The following XKR6 variants were observed in gnomAD, a reference collection of about 807,000 sequenced individuals.
The protein encoded by XKR6 is XK-related protein 6.
Under a neutral mutation model 56.7 loss-of-function variants are expected in XKR6, and 22 were observed. The ratio of observed to expected loss-of-function variants is 0.39; its 90% CI spans 0.28 to 0.55. XKR6 has a LOEUF of 0.55. Ranked by LOEUF, XKR6 falls within the 20% of genes least tolerant of loss-of-function variation. The probability of loss-of-function intolerance (pLI) is 0.66; values close to 1 mark genes in which losing one functional copy is unlikely to be tolerated. For synonymous variants in XKR6, 524 were observed against 387.8 expected (o/e 1.35, Z -4.13); for missense variants, 852 against 889.0 (o/e 0.96, Z 0.53).
chr8:10,964,795 C>G (rs1028649073), intron 1 of XKR6, among the ~76,000 whole-genome samples: 2 of 152,216 alleles, frequency 1.3e-5, no homozygotes, highest in South Asian at 2.1e-4. Context: ...CAGACCTGCT[C>G]TCACTGCACA....
At chr8:11,029,176 C>T (rs2129151303) in intron 1 of XKR6, among the ~76,000 whole-genome samples, 1 of 152,232 alleles carries the variant, frequency 6.6e-6, no homozygotes, top group African/African-American at 2.4e-5. Flanking sequence ...CTCCCAGGCC[C>T]CTTCACTCTC....
chr8:10,960,016 G>A (rs1432872596), intron 1 of XKR6, among the ~76,000 whole-genome samples: 4 of 152,054 alleles, frequency 2.6e-5, no homozygotes, highest in East Asian at 3.9e-4. Flanking sequence ...TCAGGGGGGG[G>A]CCTCCTTAAA....
intron 1 of XKR6, among the ~76,000 whole-genome samples, chr8:11,179,935 C>T (rs1206687618): frequency 6.6e-6 from 1 of 152,032 alleles, no homozygotes; most frequent in African/African-American, 2.4e-5. Context: ...GAGTTCAAGA[C>T]CAGCCTGGGC....
At chr8:11,197,626 G>C (rs1803962719) in intron 1 of XKR6, among the ~76,000 whole-genome samples, 2 of 152,184 alleles carry the variant, frequency 1.3e-5, no homozygotes, top group Non-Finnish European at 2.9e-5. Flanking sequence ...TGGGAGTAAG[G>C]CATGCATGAA....
intron 1 of XKR6, among the ~76,000 whole-genome samples, chr8:10,983,677 A>G (rs1260418124): frequency 2.0e-5 from 3 of 150,456 alleles, no homozygotes; most frequent in African/African-American, 7.4e-5. Context: ...TTTTTTTGAG[A>G]TGGAGTCTCA....
chr8:11,059,381 C>A (rs974030180), intron 1 of XKR6, among the ~76,000 whole-genome samples: 18 of 152,344 alleles, frequency 1.2e-4, no homozygotes, highest in Non-Finnish European at 2.4e-4. Context: ...CAGCCCCCAG[C>A]GAACTGGAGC....
intron 1 of XKR6, among the ~76,000 whole-genome samples, chr8:11,134,698 GCA>G (rs148279384): frequency 1.5e-4 from 22 of 148,564 alleles, no homozygotes; most frequent in East Asian, 2.0e-4. Context: ...ATACACACAC[GCA>G]CACACACACA....
At chr8:11,173,180 C>CA (rs1283535620) in intron 1 of XKR6, among the ~76,000 whole-genome samples, 1,985 of 120,214 alleles carry the variant, frequency 0.017, 35 homozygotes, top group African/African-American at 0.05. Context: ...CTAAAAAATA[C>CA]AAAAAAAAAA....
chr8:11,069,766 G>A (rs1424600974), intron 1 of XKR6, among the ~76,000 whole-genome samples: 3 of 152,152 alleles, frequency 2.0e-5, no homozygotes, highest in Non-Finnish European at 4.4e-5. Context: ...AGCCTTCAGT[G>A]CACTACTGTG....
intron 1 of XKR6, among the ~76,000 whole-genome samples, chr8:11,178,699 C>T (rs1053534876): frequency 6.0e-5 from 8 of 133,330 alleles, no homozygotes; most frequent in South Asian, 2.2e-4. Flanking sequence ...ATATGTATAT[C>T]GGGGGGATGG....
At chr8:10,907,173 C>G (rs568314161) in intron 2 of XKR6, among the ~76,000 whole-genome samples, 1 of 152,154 alleles carries the variant, frequency 6.6e-6, no homozygotes, top group South Asian at 2.1e-4. Flanking sequence ...CAAGACTGAT[C>G]GAAGTGATCT....
At chr8:11,045,113 G>C (rs74681661) in intron 1 of XKR6, among the ~76,000 whole-genome samples, 3 of 97,338 alleles carry the variant, frequency 3.1e-5, no homozygotes, top group Non-Finnish European at 5.6e-5. Flanking sequence ...TTTTGAGGAA[G>C]TGTCGCTCTG....
At chr8:10,943,134 G>A (rs779720573) in intron 1 of XKR6, among the ~76,000 whole-genome samples, 3 of 152,196 alleles carry the variant, frequency 2.0e-5, no homozygotes, top group Non-Finnish European at 4.4e-5. Context: ...CTGCTTCCTG[G>A]GATCATAGCT....
At chr8:11,126,050 GGTGGTTTTTGTTTTTTTTT>G (rs1799773218) in intron 1 of XKR6, 2 of 151,514 alleles carry the variant, frequency 1.3e-5, no homozygotes, top group African/African-American at 2.4e-5. Flanking sequence ...GTTTTTTTTT[GGTGGTTTTTGTTTTTTTTT>G]TTTTGTTTTG....
At chr8:10,975,955 A>G (rs1418230433) in intron 1 of XKR6, among the ~76,000 whole-genome samples, 4 of 152,190 alleles carry the variant, frequency 2.6e-5, no homozygotes, top group African/African-American at 9.7e-5. Flanking sequence ...CGGGCAGATC[A>G]CGAGATCAGG....
At chr8:10,947,250 G>C (rs377517073) in intron 1 of XKR6, among the ~76,000 whole-genome samples, 3 of 152,302 alleles carry the variant, frequency 2.0e-5, no homozygotes, top group African/African-American at 7.2e-5. Flanking sequence ...ATTTGGTTTG[G>C]TTGACCAGAA....
intron 1 of XKR6, among the ~76,000 whole-genome samples, chr8:11,059,875 T>C (rs948753186): frequency 1.3e-5 from 2 of 152,092 alleles, no homozygotes; most frequent in African/African-American, 4.8e-5. Context: ...GGGTGGCACC[T>C]AAAAAACAAC....
At chr8:11,100,465 A>G (rs1798428802) in intron 1 of XKR6, among the ~76,000 whole-genome samples, 1 of 152,224 alleles carries the variant, frequency 6.6e-6, no homozygotes, top group Admixed American at 6.5e-5. Context: ...TGTGTTTAGT[A>G]CGCAATGATT....
At chr8:11,139,750 T>C (rs73665006) in intron 1 of XKR6, among the ~76,000 whole-genome samples, 3,868 of 152,284 alleles carry the variant, frequency 0.025, 178 homozygotes, top group African/African-American at 0.086. Context: ...AACAGGGCAG[T>C]GTATCTCCCA....
Sources: allele counts gnomAD v4.1 joint callset (sites outside exome capture counted in the v4.1 genomes callset), GRCh38; gene constraint gnomAD v4.1.1; transcripts MANE v1.5; gene names NCBI Gene and HGNC (gene_info 2026-07-23, HGNC 2026-07-21).